The following PPRC1 variants were observed in gnomAD, a reference collection of about 807,000 sequenced individuals.
The protein encoded by PPRC1 is PPARG related coactivator 1.
A neutral mutation model predicts 132.5 loss-of-function variants in PPRC1; 23 were observed. The ratio of observed to expected loss-of-function variants is 0.17; its 90% confidence interval spans 0.12 to 0.25. The LOEUF is 0.25. PPRC1 is among the 10% of genes least tolerant of loss of function. The pLI is 1.00. For missense variants in PPRC1, 2,006 were observed against 2,089.1 expected (o/e 0.96, Z 0.78); for synonymous variants, 872 against 833.5 (o/e 1.05, Z -0.80).
intron 1 of PPRC1, among the ~76,000 whole-genome samples, chr10:102,136,862 G>C (rs1038054453): frequency 1.3e-5 from 2 of 152,186 alleles, no homozygotes; most frequent in Non-Finnish European, 2.9e-5. Flanking sequence ...GTCTGGGCGG[G>C]CTGCTTGATG....
At chr10:102,143,460 G>A (rs2069085003) in intron 6 of PPRC1, among the ~76,000 whole-genome samples, 1 of 152,056 alleles carries the variant, frequency 6.6e-6, no homozygotes, top group Non-Finnish European at 1.5e-5. Flanking sequence ...TTAGCTGGGC[G>A]AGGTGGCGGG....
Position 102,149,168 on chromosome 10 carries a change from C to G in PPRC1, c.4740-10C>G, listed in dbSNP as rs2069404884. 6.4e-7 allele frequency: 1 copy of G among 1,570,866 alleles called. No homozygotes were observed. The highest frequency in any genetic ancestry group is 1.4e-5 in the African/African-American group (1 of 73,644). ...CCACTCCAGCCCCTGCCTCACTCTC[C>G]TCCTACTAGGGACAACTACGGCTTC... On this transcript the variant is annotated splice_polypyrimidine_tract_variant and intron_variant, in intron 12 of 13. Transcript: ENST00000278070.
In PPRC1 at chr10:102,139,533, G is replaced by T; in HGVS notation, c.1025G>T (p.Gly342Val). The T allele has an allele frequency of 6.2e-7, 1 of 1,613,942 alleles. No homozygotes were observed. The highest frequency in any genetic ancestry group is 1.1e-5 in the South Asian group (1 of 91,088). The change falls in exon 5 of 14, where the codon GGC becomes GTC. Residue 342 changes from glycine to valine, a missense_variant. Around this residue, in one of 2 missense-constraint regions of PPRC1, gnomAD observed 1,914 missense variants for 1,917.2 expected, o/e 1.00. Coordinates refer to ENST00000278070, the MANE Select transcript of PPRC1 (RefSeq NM_015062.5). ...CCAGATGATTTGACACTGCCTGAGG[G>T]CTGCGTAGTGCTGGAGATTGTGGGG... ...EQPDDLTLPE[G>V]CVVLEIVGQA... is the part of the protein sequence containing the mutation.
the PPRC1 span, among the ~76,000 whole-genome samples, chr10:102,127,047 A>T: frequency 3.5e-5 from 2 of 57,654 alleles, no homozygotes; most frequent in African/African-American, 7.6e-5. Context: ...ATATATATAT[A>T]TATATATATA....
the PPRC1 span, among the ~76,000 whole-genome samples, chr10:102,127,643 T>C: frequency 6.6e-6 from 1 of 152,196 alleles, no homozygotes; most frequent in Admixed American, 6.5e-5. Context: ...CCTGACCTTG[T>C]GATCCACCTG....
chr10:102,143,159 G>A, intron 6 of PPRC1, 61 bp downstream of exon 6: 2 of 1,514,308 alleles, frequency 1.3e-6, no homozygotes, highest in East Asian at 4.5e-5. Context: ...TTTGGGCCCA[G>A]CCCTGTAGTT....
Position 102,146,707 on chromosome 10 carries a change from T to G in PPRC1, c.3715T>G (p.Trp1239Gly), listed in dbSNP as rs1449090422. The change falls in exon 9 of 14, where the codon TGG becomes GGG. Residue 1239 changes from tryptophan to glycine, a missense_variant. Physicochemically the swap from Trp to Gly is radical, Grantham distance 184. Coordinates refer to ENST00000278070, the MANE Select transcript of PPRC1 (RefSeq NM_015062.5). ...TCCAGCTACCCCTCCCCACCAGTTA[T>G]GGAAGCCCCTGGCTGCTGTCTCACT... ...TPPATPPHQL[W>G]KPLAAVSLLA... is the part of the protein sequence containing the mutation. 6.2e-7 allele frequency: 1 copy of G among 1,613,202 alleles called. No individual in the cohort carries two copies. Among genetic ancestry groups the G allele is most frequent in the Non-Finnish European group, 8.5e-7 (1 of 1,179,634 alleles).
chr10:102,133,081 C>A lies in PPRC1; in HGVS notation c.13C>A (p.Arg5=). The part of the protein sequence containing the change: MAAR[R]GRRDGVAPPP... ...TTCAGGGGCCAAGATGGCGGCGCGC[C>A]GGGGACGGAGAGACGGAGTCGCGCC... The change falls in exon 1 of 14, where the codon CGG becomes AGG. Residue 5 remains arginine (R), a synonymous_variant. Transcript: ENST00000278070. 1 of 1,242,612 alleles carries A rather than the reference C, an allele frequency of 8.0e-7. No homozygotes were observed. The highest frequency in any genetic ancestry group is 1.0e-6 in the Non-Finnish European group (1 of 987,992). The allele number at this position is 1,242,612 out of a possible 1,614,324, so 77.0% of individuals were successfully genotyped here.
At position 102,147,027 on chromosome 10, in the gene PPRC1, A is replaced by G. The variant is rs775294891; in HGVS notation, c.4035A>G (p.Pro1345=). ...TGGGCCCAGCTGCCCCTCCGCCCCC[A>G]TGCATAGCTGCCTCCCGGGAGCCGC... ...LSLGPAAPPP[P]CIAASREPLD... is the part of the protein sequence containing the mutation. The change falls in exon 9 of 14, where the codon CCA becomes CCG. Residue 1345 remains proline (P), a synonymous_variant. Coordinates refer to ENST00000278070, the MANE Select transcript of PPRC1 (RefSeq NM_015062.5). 8 of 1,614,070 alleles carry G rather than the reference A, an allele frequency of 5.0e-6. No individual in the cohort carries two copies. The highest frequency in any genetic ancestry group is 6.8e-6 in the Non-Finnish European group (8 of 1,179,980).
chr10:102,125,249 C>A, the PPRC1 span, among the ~76,000 whole-genome samples: 5 of 151,222 alleles, frequency 3.3e-5, no homozygotes, highest in South Asian at 1.0e-3. Context: ...TGCCACCACA[C>A]CCAGTTAATT....
rs1449219384 is a variant in PPRC1, at chr10:102,136,822, C to T, written c.154-1028C>T. On this transcript the variant is annotated intron_variant, in intron 1 of 13. Transcript: ENST00000278070. The stretch of plus-strand genomic sequence containing the variant: ...TCACCACTACCATTCTGGTCCCTTC[C>T]GGCCCTGCCCACACCCACACTCTTG... 3.9e-5 allele frequency among the ~76,000 whole-genome samples: 6 copies of T among 152,294 alleles called. No individual in the cohort carries two copies. In the East Asian group the frequency reaches 7.7e-4, roughly 20 times the overall value.
Position 102,138,654 on chromosome 10 carries a change from G to A in PPRC1, c.378G>A (p.Ser126=). Residue 126 remains serine (S), a synonymous_variant, in exon 3 of 14, where the codon TCG becomes TCA. Transcript: ENST00000278070. The part of the protein sequence containing the change: ...RLSLEDQNEV[S]LLTALTEILD... ...CTCTGGAGGACCAGAATGAAGTGTC[G>A]CTGCTCACGGCTCTGACGGAGATCT... 1.4e-5 allele frequency: 22 copies of A among 1,614,154 alleles called. No individual in the cohort carries two copies. The highest frequency in any genetic ancestry group is 1.9e-5 in the Non-Finnish European group (22 of 1,180,036).
At chr10:102,144,338 A>T in intron 7 of PPRC1, 31 bp downstream of exon 7, 1 of 1,605,056 alleles carries the variant, frequency 6.2e-7, no homozygotes, top group South Asian at 1.1e-5. Context: ...GAGTTACCCT[A>T]CAGCTGTTAG....
At chr10:102,146,278 A>G (rs914577486) in intron 8 of PPRC1, among the ~76,000 whole-genome samples, 1 of 152,224 alleles carries the variant, frequency 6.6e-6, no homozygotes, top group Admixed American at 6.5e-5. Flanking sequence ...GCAGGAATGT[A>G]GAAGACAGGT....
intron 3 of PPRC1, 44 bp downstream of exon 3, chr10:102,138,809 C>T (rs1412007365): frequency 1.2e-6 from 2 of 1,613,436 alleles, no homozygotes; most frequent in Admixed American, 1.7e-5. Flanking sequence ...AAAGTTTAGA[C>T]CCATGCCTGT....
intron 1 of PPRC1, among the ~76,000 whole-genome samples, chr10:102,135,510 C>T (rs2068691317): frequency 6.6e-6 from 1 of 152,178 alleles, no homozygotes. Context: ...TCCTGAGTAG[C>T]AGGGATTACA....
intron 5 of PPRC1, 78 bp downstream of exon 5, chr10:102,142,082 G>A (rs896260013): frequency 7.5e-6 from 11 of 1,469,412 alleles, no homozygotes; most frequent in Middle Eastern, 1.8e-4. Context: ...ACCCTGATGA[G>A]GCTGGCCTTT....
At chr10:102,142,842 G>A (rs561004943) in intron 5 of PPRC1, 7 of 457,184 alleles carry the variant, frequency 1.5e-5, no homozygotes, top group African/African-American at 3.9e-5. Context: ...GTGTGCCACC[G>A]TGCCTGGCTG....
At position 102,133,079 on chromosome 10, in the gene PPRC1, GC is replaced by G. The variant is rs2068579034; in HGVS notation, c.13del (p.Arg5GlyfsTer42). 8.1e-7 allele frequency: 1 copy of G among 1,242,196 alleles called. No homozygotes were observed. Among genetic ancestry groups the G allele is most frequent in the Non-Finnish European group, 1.0e-6 (1 of 987,980 alleles). The allele number at this position is 1,242,196 out of a possible 1,614,324, so 76.9% of individuals were successfully genotyped here. On this transcript the variant is annotated frameshift_variant, in exon 1 of 14. Transcript: ENST00000278070. LOFTEE classifies it high-confidence loss of function. Reference protein sequence around the residue: MAARRGRRDGVAPP... With the variant: MAAXRGRRDGVAPP... ...TGTTCAGGGGCCAAGATGGCGGCGC[GC>G]CGGGGACGGAGAGACGGAGTCGCGC...
Sources: gnomAD v4.1 joint callset for allele counts (sites outside exome capture counted in the v4.1 genomes callset) on GRCh38, gnomAD v4.1.1 for gene constraint, gnomAD v4.1.1 regional missense constraint, MANE v1.5 for transcripts, NCBI Gene and HGNC (gene_info 2026-07-23, HGNC 2026-07-21) for gene names.